TMEM178B: variants seen among roughly 807,000 people sequenced by gnomAD.
The protein encoded by TMEM178B is transmembrane protein 178B.
Under a neutral mutation model 31.0 loss-of-function variants are expected in TMEM178B, and 5 were observed. That is an observed-to-expected ratio of 0.16 (90% CI 0.08 to 0.34). The LOEUF (loss-of-function observed/expected upper bound fraction) is 0.34. TMEM178B is among the 10% of genes least tolerant of loss of function. The probability of loss-of-function intolerance (pLI) is 1.00; values close to 1 mark genes in which losing one functional copy is unlikely to be tolerated. For synonymous variants in TMEM178B, 164 were observed against 164.0 expected (o/e 1.00, Z 0.00); for missense variants, 275 against 400.3 (o/e 0.69, Z 2.67).
At chr7:141,435,079 CA>C (rs1434434908) in intron 2 of TMEM178B, among the ~76,000 whole-genome samples, 1 of 152,146 alleles carries the variant, frequency 6.6e-6, no homozygotes, top group Non-Finnish European at 1.5e-5. Flanking sequence ...CAGAAATCCA[CA>C]TATTTATAGC....
chr7:141,259,974 C>G (rs1272680357), intron 2 of TMEM178B, among the ~76,000 whole-genome samples: 1 of 152,182 alleles, frequency 6.6e-6, no homozygotes, highest in Non-Finnish European at 1.5e-5. Context: ...TCTCTGATCT[C>G]TCCTGAGTGT....
rs184179048 is a variant in TMEM178B, at chr7:141,336,565, T to C, written c.497-101043T>C. 4.6e-5 allele frequency among the ~76,000 whole-genome samples: 7 copies of C among 152,180 alleles called. No homozygotes were observed. The East Asian group carries it at 1.3e-3, about 29-fold the overall frequency. On this transcript the variant is annotated intron_variant, in intron 2 of 3. Coordinates refer to ENST00000565468, the MANE Select transcript of TMEM178B (RefSeq NM_001195278.2). ...GTTGTGACTTGTAGAACCAATGTTG[T>C]AAAGTTCCTAACACAAGGATTGGCT...
At chr7:141,120,163 C>T (rs1795386091) in intron 1 of TMEM178B, among the ~76,000 whole-genome samples, 1 of 152,136 alleles carries the variant, frequency 6.6e-6, no homozygotes, top group Non-Finnish European at 1.5e-5. Context: ...AGTCAGAAGC[C>T]CTGCATGGAG....
At chr7:141,392,232 A>G (rs191881493) in intron 2 of TMEM178B, among the ~76,000 whole-genome samples, 95 of 152,342 alleles carry the variant, frequency 6.2e-4, no homozygotes, top group Non-Finnish European at 1.0e-3. Context: ...GATCTTACAT[A>G]TAGTATGAGA....
At chr7:141,091,870 G>A (rs1221209643) in intron 1 of TMEM178B, among the ~76,000 whole-genome samples, 1 of 152,086 alleles carries the variant, frequency 6.6e-6, no homozygotes, top group African/African-American at 2.4e-5. Context: ...TGAGACTACG[G>A]GCATGTGCCA....
chr7:141,299,229 T>A (rs1798684688), intron 2 of TMEM178B, among the ~76,000 whole-genome samples: 1 of 152,088 alleles, frequency 6.6e-6, no homozygotes, highest in African/African-American at 2.4e-5. Context: ...CAGGCTGGAG[T>A]GCAGTGGTGT....
At chr7:141,297,142 T>A (rs1198211746) in intron 2 of TMEM178B, 2 of 152,214 alleles carry the variant, frequency 1.3e-5, no homozygotes, top group East Asian at 3.9e-4. Flanking sequence ...ATGTTTTCCT[T>A]AAAACAACTC....
rs1563106748 is a variant in TMEM178B, at chr7:141,171,049, CACACACACACACACA to C, written c.383-41541_383-41527del. Among the ~76,000 whole-genome samples the C allele has an allele frequency of 3.6e-4, 54 of 149,576 alleles. No individual in the cohort carries two copies. The highest frequency in any genetic ancestry group is 5.8e-4 in the East Asian group (3 of 5,154). On this transcript the variant is annotated intron_variant, in intron 1 of 3. Coordinates refer to ENST00000565468, the MANE Select transcript of TMEM178B (RefSeq NM_001195278.2). The surrounding 1 kb of genome is among the most constrained non-coding windows in gnomAD (Gnocchi z 4.3). ...ACACACACACACACACACACACACA[CACACACACACACACA>C]CCCTAAATATAAATTAAAATAAATA...
At chr7:141,182,788 TC>T (rs1029870606) in intron 1 of TMEM178B, among the ~76,000 whole-genome samples, 7 of 152,170 alleles carry the variant, frequency 4.6e-5, no homozygotes, top group African/African-American at 1.7e-4. Flanking sequence ...AAATGGGAGT[TC>T]CCCTGCACAA....
chr7:141,488,633 T>C, the TMEM178B span, among the ~76,000 whole-genome samples: 1 of 151,716 alleles, frequency 6.6e-6, no homozygotes, highest in Non-Finnish European at 1.5e-5. Flanking sequence ...AGAGACGGGG[T>C]TTTCCCATGT....
chr7:141,302,812 T>G (rs1294798984), intron 2 of TMEM178B, among the ~76,000 whole-genome samples: 1 of 152,194 alleles, frequency 6.6e-6, no homozygotes. Flanking sequence ...AAGATTTCTC[T>G]GTCCTGACAG....
At chr7:141,192,565 T>C (rs569209265) in intron 1 of TMEM178B, among the ~76,000 whole-genome samples, 1 of 151,872 alleles carries the variant, frequency 6.6e-6, no homozygotes, top group African/African-American at 2.4e-5. Flanking sequence ...CTTGGCTCGT[T>C]GCCAAGCTCT....
intron 1 of TMEM178B, among the ~76,000 whole-genome samples, chr7:141,118,886 A>G (rs1210096498): frequency 6.6e-6 from 1 of 152,184 alleles, no homozygotes; most frequent in Non-Finnish European, 1.5e-5. Flanking sequence ...TTCCTAGCAA[A>G]GTTTATTTTG....
chr7:141,326,621 A>G (rs556692145), intron 2 of TMEM178B, among the ~76,000 whole-genome samples: 1 of 152,176 alleles, frequency 6.6e-6, no homozygotes, highest in Non-Finnish European at 1.5e-5. Flanking sequence ...GTTTTTATAA[A>G]TAGTTTTATT....
chr7:141,374,331 T>A (rs73169540), intron 2 of TMEM178B, among the ~76,000 whole-genome samples: 2 of 152,296 alleles, frequency 1.3e-5, no homozygotes, highest in Non-Finnish European at 2.9e-5. Flanking sequence ...GATGCCCTAT[T>A]TGGCTAACCA....
chr7:141,237,450 T>C (rs1797545454), intron 2 of TMEM178B, among the ~76,000 whole-genome samples: 2 of 152,172 alleles, frequency 1.3e-5, no homozygotes, highest in Admixed American at 6.5e-5. Context: ...CATAAAGAAA[T>C]GCTTGCATAT....
At chr7:141,082,114 G>C (rs993921974) in intron 1 of TMEM178B, among the ~76,000 whole-genome samples, 4 of 152,340 alleles carry the variant, frequency 2.6e-5, no homozygotes, top group African/African-American at 9.6e-5. Flanking sequence ...ACACCATCTA[G>C]GTTGTGGAAG....
At chr7:141,114,581 C>T (rs1795288633) in intron 1 of TMEM178B, among the ~76,000 whole-genome samples, 1 of 152,242 alleles carries the variant, frequency 6.6e-6, no homozygotes, top group Admixed American at 6.5e-5. Context: ...CTCTCTCCTT[C>T]TGCCCTTTGG....
intron 3 of TMEM178B, among the ~76,000 whole-genome samples, chr7:141,442,785 C>T (rs1801685711): frequency 6.6e-6 from 1 of 152,202 alleles, no homozygotes. Context: ...GTAGCACCCT[C>T]TTTATTTTCC....
Sources: allele counts gnomAD v4.1 joint callset (sites outside exome capture counted in the v4.1 genomes callset), GRCh38; gene constraint gnomAD v4.1.1; non-coding constraint Gnocchi (gnomAD v3.1); transcripts MANE v1.5; gene names NCBI Gene and HGNC (gene_info 2026-07-23, HGNC 2026-07-21).